The following NCAPH variants were observed in gnomAD, a reference collection of about 807,000 sequenced individuals.
NCAPH encodes the protein condensin complex subunit 2.
In NCAPH, 38 loss-of-function variants were observed where a neutral mutation model predicts 85.5. That is an observed-to-expected ratio of 0.44 (90% confidence interval 0.34 to 0.58). NCAPH has a LOEUF of 0.58. NCAPH is among the 20% of genes least tolerant of loss of function. The probability of loss-of-function intolerance (pLI) is 0.01; values close to 1 mark genes in which losing one functional copy is unlikely to be tolerated. For missense variants in NCAPH, 789 were observed against 916.6 expected, an observed-to-expected ratio of 0.86 and a Z score of 1.80; for synonymous variants, 301 against 335.1, an observed-to-expected ratio of 0.90 and a Z score of 1.11.
Position 96,366,984 on chromosome 2 carries a change from T to G in NCAPH, c.1882-273T>G, listed in dbSNP as rs541907501. Among the ~76,000 whole-genome samples, 17 of 150,554 alleles carry G rather than the reference T, an allele frequency of 1.1e-4. No homozygotes were observed. The South Asian group carries it at 3.6e-3, about 32-fold the overall frequency. On this transcript the variant is annotated intron_variant, in intron 14 of 17. Transcript: ENST00000240423. ...TTAGCCAGGTGCCTGTAATCCCAGC[T>G]CCATGGGAGGCTGAGGCTGGAGAAT...
intron 14 of NCAPH, among the ~76,000 whole-genome samples, chr2:96,366,577 A>G (rs1163234722): frequency 6.6e-6 from 1 of 152,250 alleles, no homozygotes; most frequent in Non-Finnish European, 1.5e-5. Flanking sequence ...GACTCTATAT[A>G]GTGTCCAAAG....
At chr2:96,345,005 T>G (rs371891217) in intron 6 of NCAPH, among the ~76,000 whole-genome samples, 4 of 152,222 alleles carry the variant, frequency 2.6e-5, no homozygotes, top group East Asian at 3.8e-4. Context: ...TTTTCTCTCT[T>G]ACCTCCACAA....
intron 8 of NCAPH, 72 bp from the exon 9 acceptor site, chr2:96,354,111 G>T: frequency 6.9e-7 from 1 of 1,444,222 alleles, no homozygotes; most frequent in Admixed American, 1.8e-5. Context: ...AGGGTGAGAA[G>T]GCTGTCCCTC....
intron 6 of NCAPH, among the ~76,000 whole-genome samples, chr2:96,344,491 C>T (rs2064337355): frequency 6.6e-6 from 1 of 152,164 alleles, no homozygotes; most frequent in Non-Finnish European, 1.5e-5. Flanking sequence ...ATTTTATTTC[C>T]TAGTAAATGT....
chr2:96,343,020 T>C, intron 4 of NCAPH, 146 bp from the exon 5 acceptor site: 1 of 1,196,480 alleles, frequency 8.4e-7, no homozygotes, highest in Non-Finnish European at 1.2e-6. Flanking sequence ...GAATATATAT[T>C]CTGTTTATTC....
chr2:96,363,195 A>G (rs143781713), intron 12 of NCAPH, among the ~76,000 whole-genome samples: 1 of 152,350 alleles, frequency 6.6e-6, no homozygotes, highest in East Asian at 1.9e-4. Context: ...TTTTTTAGCA[A>G]TGAAATATTT....
At chr2:96,360,447 C>A in intron 11 of NCAPH, 141 bp from the exon 12 acceptor site, 3 of 1,055,326 alleles carry the variant, frequency 2.8e-6, no homozygotes, top group Non-Finnish European at 4.1e-6. Flanking sequence ...ATAATGCTAG[C>A]AAAATCACTT....
At chr2:96,356,861 G>GTTA (rs2064532023) in intron 9 of NCAPH, among the ~76,000 whole-genome samples, 1 of 152,148 alleles carries the variant, frequency 6.6e-6, no homozygotes, top group African/African-American at 2.4e-5. Flanking sequence ...GATGCCTCAC[G>GTTA]TTATTGGTCT....
intron 5 of NCAPH, 73 bp downstream of exon 5, chr2:96,343,377 A>G (rs2064321449): frequency 2.7e-6 from 4 of 1,482,200 alleles, no homozygotes; most frequent in African/African-American, 2.8e-5. Flanking sequence ...GTAATATACT[A>G]GAAGAAGGTC....
intron 17 of NCAPH, among the ~76,000 whole-genome samples, chr2:96,370,395 A>C (rs2064757014): frequency 6.6e-6 from 1 of 152,196 alleles, no homozygotes; most frequent in South Asian, 2.1e-4. Context: ...TGATTATGGG[A>C]ATGGAATGGT....
Position 96,343,176 on chromosome 2 carries a change from G to A in NCAPH, c.467G>A (p.Gly156Asp). 2.5e-6 allele frequency: 4 copies of A among 1,614,076 alleles called. No homozygotes were observed. The highest frequency in any genetic ancestry group is 3.4e-6 in the Non-Finnish European group (4 of 1,179,982). Residue 156 changes from glycine (G) to aspartate (D), a missense_variant, in exon 5 of 18, where the codon GGT becomes GAT. Physicochemically the swap from Gly to Asp is moderately conservative, Grantham distance 94. Coordinates refer to ENST00000240423, the MANE Select transcript of NCAPH (RefSeq NM_015341.5). ...TEPTNFKVAA[G>D]TLDASTKIYA... ...TGATTGTTTGACTAGGTGGCTGCGG[G>A]TACTCTGGATGCCAGCACCAAGATC...
chr2:96,364,384 C>T, intron 12 of NCAPH, 97 bp from the exon 13 acceptor site: 1 of 755,832 alleles, frequency 1.3e-6, no homozygotes, highest in South Asian at 1.9e-5. Flanking sequence ...TTGTATAATT[C>T]TAGGAGGAGA....
At chr2:96,336,314 A>T (rs889641914) in intron 1 of NCAPH, among the ~76,000 whole-genome samples, 16 of 152,232 alleles carry the variant, frequency 1.1e-4, no homozygotes, top group Admixed American at 7.2e-4. Flanking sequence ...AACAAAATTG[A>T]TAATATCTCT....
chr2:96,367,600 A>G (rs1386768540), intron 15 of NCAPH, among the ~76,000 whole-genome samples: 1 of 152,218 alleles, frequency 6.6e-6, no homozygotes, highest in Admixed American at 6.5e-5. Context: ...GTGAGCTATG[A>G]TATGATCGTA....
At position 96,361,287 on chromosome 2, in the gene NCAPH, C is replaced by G. The variant is rs190018899; in HGVS notation, c.1587+577C>G. ...CTAGTCTCGAACTCCTGACCTCAGG[C>G]GATCCACCCACCTCAGCCTCCCAAA... On this transcript the variant is annotated intron_variant, in intron 12 of 17. Transcript: ENST00000240423. 4.0e-3 allele frequency among the ~76,000 whole-genome samples: 605 copies of G among 151,940 alleles called. 2 individuals are homozygous for G. Among genetic ancestry groups the G allele is most frequent in the South Asian group, 7.3e-3 (35 of 4,808 alleles).
chr2:96,361,040 CTTTTTTTTTTTT>C (rs760283642), intron 12 of NCAPH, among the ~76,000 whole-genome samples: 23 of 86,750 alleles, frequency 2.7e-4, no homozygotes, highest in African/African-American at 7.3e-4. Context: ...TTGCTTTCTC[CTTTTTTTTTTTT>C]TTTTTTTTTT....
chr2:96,360,182 C>T lies in NCAPH; in HGVS notation c.1397C>T (p.Thr466Ile). Residue 466 changes from threonine to isoleucine, a missense_variant, in exon 11 of 18, where the codon ACA becomes ATA. By Grantham distance (89) the Thr-to-Ile change is moderately conservative (BLOSUM62 -1). Coordinates refer to ENST00000240423, the MANE Select transcript of NCAPH (RefSeq NM_015341.5). ...PSQSENKKKS[T>I]KKDFEIDFED... ...CAATCAGAAAACAAAAAGAAGAGTA[C>T]AAAAAAAGATTTTGAAATTGACTTT... is the stretch of plus-strand genomic sequence containing the variant. 6.3e-7 allele frequency: 1 copy of T among 1,591,536 alleles called. No homozygotes were observed. The highest frequency in any genetic ancestry group is 1.1e-5 in the South Asian group (1 of 89,280).
chr2:96,337,005 A>C (rs2064223168), intron 1 of NCAPH, among the ~76,000 whole-genome samples: 1 of 152,228 alleles, frequency 6.6e-6, no homozygotes, highest in African/African-American at 2.4e-5. Context: ...GGCAACATGG[A>C]AGTTATAGAT....
chr2:96,345,049 G>A (rs2064344844), intron 6 of NCAPH, among the ~76,000 whole-genome samples: 1 of 152,146 alleles, frequency 6.6e-6, no homozygotes, highest in Admixed American at 6.5e-5. Flanking sequence ...CACAAAACTA[G>A]AATTGGTCAC....
Sources: gnomAD v4.1 joint callset for allele counts (sites outside exome capture counted in the v4.1 genomes callset) on GRCh38, gnomAD v4.1.1 for gene constraint, MANE v1.5 for transcripts, NCBI Gene and HGNC (gene_info 2026-07-23, HGNC 2026-07-21) for gene names.